The following RGPD8 variants were observed in gnomAD, a reference collection of about 807,000 sequenced individuals.
RGPD8 encodes the protein RANBP2-like and GRIP domain-containing protein 8.
In RGPD8, 15 loss-of-function variants were observed where a neutral mutation model predicts 89.1. The observed-to-expected ratio is 0.17, with a 90% CI of 0.11 to 0.26. The LOEUF (loss-of-function observed/expected upper bound fraction) is 0.26, where lower values mean the gene tolerates loss of function less well. RGPD8 is among the 10% of genes least tolerant of loss of function. The probability of loss-of-function intolerance (pLI) is 1.00; values close to 1 mark genes in which losing one functional copy is unlikely to be tolerated. For synonymous variants in RGPD8, 62 were observed against 420.9 expected, an observed-to-expected ratio of 0.15 and a Z score of 10.44; for missense variants, 178 against 1,179.6, an observed-to-expected ratio of 0.15 and a Z score of 12.44.
Position 112,390,025 on chromosome 2 carries a change from C to T in RGPD8, c.2920G>A (p.Val974Ile), listed in dbSNP as rs1168382092. 8 of 1,579,378 alleles carry T rather than the reference C, an allele frequency of 5.1e-6. No individual in the cohort carries two copies. Among genetic ancestry groups the T allele is most frequent in the Non-Finnish European group, 6.9e-6 (8 of 1,159,382 alleles). Reference protein sequence around the residue: ...QTSSTFTFADVAKSTSGEGFQ... With the variant: ...QTSSTFTFADIAKSTSGEGFQ... Reference sequence around the variant, plus strand: ...CCTTCTCCTGAAGTTGATTTTGCAACATCTGCAAATGTAAAAGTGCTACTT... The same window carrying T: ...CCTTCTCCTGAAGTTGATTTTGCAATATCTGCAAATGTAAAAGTGCTACTT... Residue 974 changes from valine (V) to isoleucine (I), a missense_variant, in exon 20 of 23, where the codon GTT becomes ATT. Physicochemically the swap from Val to Ile is conservative, Grantham distance 29. Coordinates refer to ENST00000302558, the MANE Select transcript of RGPD8 (RefSeq NM_001164463.1).
At chr2:112,419,635 T>C (rs1394589487) in intron 4 of RGPD8, among the ~76,000 whole-genome samples, 6 of 152,356 alleles carry the variant, frequency 3.9e-5, no homozygotes, top group Admixed American at 6.5e-5. Context: ...AACAGTGCCT[T>C]CAAGTTATTA....
At chr2:112,381,880 A>G (rs1383406033) in intron 20 of RGPD8, among the ~76,000 whole-genome samples, 3 of 152,292 alleles carry the variant, frequency 2.0e-5, no homozygotes, top group African/African-American at 7.2e-5. Flanking sequence ...CCATTTGGAC[A>G]GTGTGATGGT....
chr2:112,404,884 AAG>A (rs1678976790), intron 8 of RGPD8, among the ~76,000 whole-genome samples: 6 of 148,348 alleles, frequency 4.0e-5, no homozygotes, highest in Non-Finnish European at 1.5e-5. Flanking sequence ...AAAAAAAAAA[AAG>A]AATTATTTCC....
intron 2 of RGPD8, among the ~76,000 whole-genome samples, chr2:112,423,745 C>T (rs1330260844): frequency 6.6e-6 from 1 of 151,894 alleles, no homozygotes; most frequent in African/African-American, 2.4e-5. Context: ...TAATTTCCTG[C>T]TTTAATCCAC....
At chr2:112,371,042 C>T (rs71276728) in intron 22 of RGPD8, among the ~76,000 whole-genome samples, 8 of 151,130 alleles carry the variant, frequency 5.3e-5, no homozygotes, top group Non-Finnish European at 7.4e-5. Context: ...ATATTGTTGA[C>T]GATAAGAGGA....
chr2:112,419,566 A>G (rs1679496118), intron 4 of RGPD8, among the ~76,000 whole-genome samples: 1 of 152,274 alleles, frequency 6.6e-6, no homozygotes, highest in African/African-American at 2.4e-5. Context: ...TTTGCATGAC[A>G]GTTATAAATC....
In RGPD8 at chr2:112,427,983, AG is replaced by A. The variant is rs1462254030; in HGVS notation, c.73-3677del. ...TTTCAGGTAAACATCATTAAAAAAA[AG>A]GGTAAGAAATGGTCAAAGAAATAAT... On this transcript the variant is annotated intron_variant, in intron 1 of 22. Transcript: ENST00000302558. Among the ~76,000 whole-genome samples, 5 of 152,398 alleles carry A rather than the reference AG, an allele frequency of 3.3e-5. No individual in the cohort carries two copies. The East Asian group carries it at 7.7e-4, about 24-fold the overall frequency.
At chr2:112,390,578 C>T (rs1678659439) in intron 19 of RGPD8, among the ~76,000 whole-genome samples, 1 of 141,410 alleles carries the variant, frequency 7.1e-6, no homozygotes, top group Non-Finnish European at 1.6e-5. Flanking sequence ...TCTAAATGCA[C>T]CCCAACACTC....
chr2:112,429,058 C>G (rs1679900664), intron 1 of RGPD8, among the ~76,000 whole-genome samples: 1 of 151,288 alleles, frequency 6.6e-6, no homozygotes, highest in Admixed American at 6.6e-5. Flanking sequence ...AGTAACAGTA[C>G]TGAAAGAATG....
chr2:112,391,591 CT>C (rs1678715274), intron 18 of RGPD8, among the ~76,000 whole-genome samples: 2 of 127,474 alleles, frequency 1.6e-5, no homozygotes, highest in Admixed American at 1.6e-4. Flanking sequence ...TGTTCCCTGG[CT>C]TAAAATAAAA....
chr2:112,422,837 A>T (rs1271358233), intron 2 of RGPD8, among the ~76,000 whole-genome samples, 178 bp from the exon 3 acceptor site: 1 of 36,074 alleles, frequency 2.8e-5, no homozygotes, highest in African/African-American at 1.2e-4. Context: ...GGTAATACTT[A>T]AAAACACGTA....
intron 21 of RGPD8, among the ~76,000 whole-genome samples, chr2:112,380,579 G>A (rs1678254586): frequency 6.7e-6 from 1 of 148,850 alleles, no homozygotes; most frequent in Admixed American, 6.7e-5. Flanking sequence ...CGTGAACCTG[G>A]GAGGTGGAGC....
intron 6 of RGPD8, among the ~76,000 whole-genome samples, chr2:112,414,451 T>C (rs1574013909): frequency 9.6e-6 from 1 of 104,376 alleles, no homozygotes. Flanking sequence ...CACTCTAGCC[T>C]GGGCAACAAG....
In RGPD8 at chr2:112,429,311, C is replaced by T. The variant is rs908614842; in HGVS notation, c.72+4071G>A. On this transcript the variant is annotated intron_variant, in intron 1 of 22. Coordinates refer to ENST00000302558, the MANE Select transcript of RGPD8 (RefSeq NM_001164463.1). ...TGGCGGGTGCCTGTAGTCCCAGCTA[C>T]AGGCTGGGGCAGGAGAATGGCGTGA... Among the ~76,000 whole-genome samples, 4 of 141,294 alleles carry T rather than the reference C, an allele frequency of 2.8e-5. No homozygotes were observed. The East Asian group carries it at 6.3e-4, about 22-fold the overall frequency. The allele number at this position is 141,294 out of a possible 152,430, so 92.7% of individuals were successfully genotyped here. A position where few individuals can be genotyped will look rare whatever the true frequency, so the allele number is the denominator to read the frequency against.
At chr2:112,432,828 A>G (rs951108789) in intron 1 of RGPD8, among the ~76,000 whole-genome samples, 1 of 152,224 alleles carries the variant, frequency 6.6e-6, no homozygotes, top group Non-Finnish European at 1.5e-5. Flanking sequence ...CGGTCCCCCC[A>G]GGACTCTTCC....
chr2:112,411,032 C>G (rs1241323031), intron 7 of RGPD8, among the ~76,000 whole-genome samples: 1 of 151,978 alleles, frequency 6.6e-6, no homozygotes, highest in Non-Finnish European at 1.5e-5. Flanking sequence ...TTGCAGTGAG[C>G]CAGATGGCGC....
chr2:112,422,481 T>G, intron 3 of RGPD8, 67 bp downstream of exon 3: 1 of 1,580,064 alleles, frequency 6.3e-7, no homozygotes, highest in Non-Finnish European at 8.6e-7. Flanking sequence ...TTGACTTACT[T>G]ATATAAATTT....
chr2:112,427,169 C>T (rs2104836718), intron 1 of RGPD8, among the ~76,000 whole-genome samples: 1 of 152,028 alleles, frequency 6.6e-6, no homozygotes, highest in Admixed American at 6.5e-5. Flanking sequence ...AATTCCATTA[C>T]CTTCTTTGCT....
intron 20 of RGPD8, among the ~76,000 whole-genome samples, chr2:112,385,350 TTCTGA>T (rs1413418225): frequency 2.1e-5 from 3 of 141,238 alleles, no homozygotes; most frequent in African/African-American, 7.8e-5. Flanking sequence ...ATGCAACCTG[TTCTGA>T]TCTATTAATG....
Sources: allele counts gnomAD v4.1 joint callset (sites outside exome capture counted in the v4.1 genomes callset), GRCh38; gene constraint gnomAD v4.1.1; transcripts MANE v1.5; gene names NCBI Gene and HGNC (gene_info 2026-07-23, HGNC 2026-07-21).